Variants in NAV3 observed in about 807,000 individuals in gnomAD.
NAV3 encodes neuron navigator 3.
NAV3 carries 87 observed loss-of-function variants against 244.7 expected under a neutral mutation model. That is an observed-to-expected ratio of 0.36 (90% CI 0.30 to 0.42). The LOEUF (loss-of-function observed/expected upper bound fraction) is 0.42, where lower values mean the gene tolerates loss of function less well. Among genes scored for constraint, NAV3 ranks in the 20% least tolerant of loss-of-function variants. The probability of loss-of-function intolerance (pLI) is 1.00; values close to 1 mark genes in which losing one functional copy is unlikely to be tolerated. For missense variants in NAV3, 2,663 were observed against 2,893.3 expected, an observed-to-expected ratio of 0.92 and a Z score of 1.83; for synonymous variants, 1,126 against 1,042.2, an observed-to-expected ratio of 1.08 and a Z score of -1.55.
intron 31 of NAV3, 121 bp downstream of exon 31, chr12:78,185,819 C>T (rs1958690481): frequency 2.6e-6 from 2 of 760,108 alleles, no homozygotes; most frequent in African/African-American, 3.5e-5. Context: ...TTGGCATTAG[C>T]TTAACATGTC....
At chr12:78,136,789 CTTTT>C (rs1188633009) in intron 18 of NAV3, among the ~76,000 whole-genome samples, 1 of 152,102 alleles carries the variant, frequency 6.6e-6, no homozygotes, top group African/African-American at 2.4e-5. Context: ...ATTTTACTTT[CTTTT>C]TGATTTTGCT....
chr12:77,929,137 A>G (rs1888520880), intron 1 of NAV3, among the ~76,000 whole-genome samples: 1 of 152,216 alleles, frequency 6.6e-6, no homozygotes, highest in Non-Finnish European at 1.5e-5. Flanking sequence ...TTGTCTGAAG[A>G]CAGCTAATCT....
intron 1 of NAV3, among the ~76,000 whole-genome samples, chr12:77,892,418 AT>A (rs201721386): frequency 0.025 from 3,504 of 142,650 alleles, 35 homozygotes; most frequent in Non-Finnish European, 0.026. Context: ...GACCATTTGA[AT>A]TTTTTTTTTT....
At chr12:78,159,361 C>T in intron 23 of NAV3, 75 bp downstream of exon 23, 1 of 1,305,262 alleles carries the variant, frequency 7.7e-7, no homozygotes, top group Non-Finnish European at 1.1e-6. Context: ...ATACCTGAAG[C>T]TCCTTAAAAA....
At chr12:77,594,349 AG>A (rs1870070244) in intron 2 of NAV3, among the ~76,000 whole-genome samples, 1 of 152,034 alleles carries the variant, frequency 6.6e-6, no homozygotes, top group South Asian at 2.1e-4. Flanking sequence ...CCCTCCTTCC[AG>A]GGCTTAAGTA....
chr12:77,625,451 C>T (rs560201348), intron 2 of NAV3, among the ~76,000 whole-genome samples: 5 of 151,390 alleles, frequency 3.3e-5, no homozygotes, highest in Non-Finnish European at 5.9e-5. Flanking sequence ...ATTTAAGGCT[C>T]GAGCTCCTTA....
At chr12:77,653,258 TCTATCA>T (rs1158905351) in intron 2 of NAV3, among the ~76,000 whole-genome samples, 2 of 152,210 alleles carry the variant, frequency 1.3e-5, no homozygotes, top group Non-Finnish European at 2.9e-5. Context: ...TGTTCCCCTT[TCTATCA>T]CTGGTACCTA....
chr12:77,657,478 C>T (rs961616662), intron 2 of NAV3, among the ~76,000 whole-genome samples: 1 of 152,132 alleles, frequency 6.6e-6, no homozygotes, highest in African/African-American at 2.4e-5. Context: ...GCTTACCCAC[C>T]AAAAAGAGTC....
intron 2 of NAV3, among the ~76,000 whole-genome samples, chr12:77,815,274 T>C (rs994178065): frequency 5.9e-5 from 9 of 152,190 alleles, no homozygotes; most frequent in African/African-American, 1.9e-4. Context: ...ACTGTTTATA[T>C]TGAAGCACAT....
chr12:77,721,519 T>C (rs973779401), intron 2 of NAV3, among the ~76,000 whole-genome samples: 3 of 152,222 alleles, frequency 2.0e-5, no homozygotes, highest in African/African-American at 4.8e-5. Flanking sequence ...CAATTACTTA[T>C]ATAAATGTTT....
intron 2 of NAV3, among the ~76,000 whole-genome samples, chr12:77,811,189 C>A (rs1217475157): frequency 1.3e-5 from 2 of 152,174 alleles, no homozygotes; most frequent in African/African-American, 2.4e-5. Flanking sequence ...AATTCTTCAT[C>A]ATCTACTCCT....
intron 2 of NAV3, among the ~76,000 whole-genome samples, chr12:77,788,142 C>T (rs1038602225): frequency 2.2e-4 from 33 of 152,058 alleles, no homozygotes; most frequent in Admixed American, 1.7e-3. Context: ...TATAAATCAT[C>T]GTCATGGAAT....
chr12:78,055,190 A>G (rs1026457650), intron 11 of NAV3, among the ~76,000 whole-genome samples: 8 of 152,012 alleles, frequency 5.3e-5, no homozygotes, highest in Admixed American at 2.6e-4. Flanking sequence ...TTTTTGTAGC[A>G]GTCCAGTTAT....
chr12:77,948,430 G>T (rs1890564318), intron 3 of NAV3, among the ~76,000 whole-genome samples: 2 of 151,874 alleles, frequency 1.3e-5, no homozygotes, highest in South Asian at 2.1e-4. Context: ...ATTGCAAAAT[G>T]TAGTTGATAT....
chr12:78,143,358 C>T (rs534516769), intron 20 of NAV3: 189 of 452,106 alleles, frequency 4.2e-4, no homozygotes, highest in African/African-American at 3.2e-3. Context: ...AGGCCAAGCG[C>T]GGTGGCTCAT....
chr12:77,604,809 T>A (rs934640613), intron 2 of NAV3, among the ~76,000 whole-genome samples: 22 of 152,104 alleles, frequency 1.4e-4, no homozygotes, highest in Admixed American at 7.2e-4. Context: ...GTTGGGGATA[T>A]TTAGGTAGCT....
At chr12:77,871,878 G>T (rs1881025817) in intron 1 of NAV3, among the ~76,000 whole-genome samples, 1 of 152,126 alleles carries the variant, frequency 6.6e-6, no homozygotes, top group African/African-American at 2.4e-5. Flanking sequence ...CTTCCACAAT[G>T]GTTGAACTAA....
At chr12:77,826,193 A>G (rs745867851), upstream of NAV3, among the ~76,000 whole-genome samples, 80 of 152,188 alleles carry the variant, frequency 5.3e-4, 1 homozygote, top group Non-Finnish European at 1.5e-4. Flanking sequence ...AATAAAATAA[A>G]TATCAACATA....
At chr12:78,068,844 CT>C (rs556231690) in intron 12 of NAV3, among the ~76,000 whole-genome samples, 5 of 151,438 alleles carry the variant, frequency 3.3e-5, no homozygotes, top group African/African-American at 1.2e-4. Flanking sequence ...AATTTTGGTC[CT>C]TTTATATTAC....
Sources: gnomAD v4.1 joint callset for allele counts (sites outside exome capture counted in the v4.1 genomes callset) on GRCh38, gnomAD v4.1.1 for gene constraint, MANE v1.5 for transcripts, NCBI Gene and HGNC (gene_info 2026-07-23, HGNC 2026-07-21) for gene names.